FDPS: variants seen among roughly 807,000 people sequenced by gnomAD.
FDPS encodes farnesyl pyrophosphate synthase.
A neutral mutation model predicts 49.5 loss-of-function variants in FDPS; 29 were observed. The ratio of observed to expected loss-of-function variants is 0.59; its 90% CI spans 0.44 to 0.80. The LOEUF (loss-of-function observed/expected upper bound fraction) is 0.80, where lower values mean the gene tolerates loss of function less well. Among genes scored for constraint, FDPS ranks in the 30% least tolerant of loss-of-function variants. The probability of loss-of-function intolerance (pLI) is 0.00; values close to 1 mark genes in which losing one functional copy is unlikely to be tolerated. For synonymous variants in FDPS, 172 were observed against 206.4 expected, an observed-to-expected ratio of 0.83 and a Z score of 1.43; for missense variants, 414 against 525.6, an observed-to-expected ratio of 0.79 and a Z score of 2.08.
At chr1:155,312,562 T>A in intron 4 of FDPS, 167 bp downstream of exon 4, 1 of 684,188 alleles carries the variant, frequency 1.5e-6, no homozygotes. Context: ...TTAACTAATG[T>A]GGGGAGCCTC....
intron 3 of FDPS, among the ~76,000 whole-genome samples, chr1:155,311,157 G>C (rs1648761098): frequency 6.6e-6 from 1 of 152,074 alleles, no homozygotes; most frequent in African/African-American, 2.4e-5. Context: ...GGTCAACATG[G>C]TGAAACCCCC....
chr1:155,312,532 A>G, intron 4 of FDPS, 137 bp downstream of exon 4: 2 of 880,362 alleles, frequency 2.3e-6, no homozygotes, highest in Non-Finnish European at 3.5e-6. Context: ...GGCCAAATTT[A>G]GAGTGAATCA....
intron 4 of FDPS, among the ~76,000 whole-genome samples, chr1:155,313,255 G>C (rs1045108406): frequency 9.2e-5 from 14 of 152,198 alleles, no homozygotes; most frequent in African/African-American, 3.1e-4. Context: ...GCTTTCTCTA[G>C]TTTGCTCCAA....
In FDPS at chr1:155,320,511, T is replaced by A; in HGVS notation, c.1162T>A (p.Tyr388Asn). Reference protein sequence around the residue: ...AVFLQYEEDSYSHIMALIEQY... With the variant: ...AVFLQYEEDSNSHIMALIEQY... ...GTTCTTGCAATATGAGGAAGACAGTTACAGCCACATTATGGCTCTCATTGA... is the reference window on the plus strand; with the variant it reads ...GTTCTTGCAATATGAGGAAGACAGTAACAGCCACATTATGGCTCTCATTGA... The change falls in exon 11 of 11, where the codon TAC (tyrosine) becomes AAC (asparagine). Residue 388 changes from tyrosine (Y) to asparagine (N), a missense_variant. Tyr to Asn is a moderately radical substitution (Grantham distance 143). Transcript: ENST00000368356. 6.2e-7 allele frequency: 1 copy of A among 1,614,096 alleles called. No homozygotes were observed. Among genetic ancestry groups the A allele is most frequent in the Non-Finnish European group, 8.5e-7 (1 of 1,180,026 alleles).
intron 4 of FDPS, among the ~76,000 whole-genome samples, chr1:155,314,597 C>G (rs1649123549): frequency 1.3e-5 from 2 of 152,124 alleles, no homozygotes; most frequent in Middle Eastern, 6.8e-3. Context: ...ACCTCAGCCT[C>G]CCAAGTAGCT....
chr1:155,319,234 ACAGT>A (rs1381614549), intron 8 of FDPS, among the ~76,000 whole-genome samples: 1 of 152,204 alleles, frequency 6.6e-6, no homozygotes, highest in African/African-American at 2.4e-5. Flanking sequence ...TGGATTAAAG[ACAGT>A]CAGTGGGATT....
At position 155,318,460 on chromosome 1, in the gene FDPS, G is replaced by T; in HGVS notation, c.684+169G>T. 1 of 893,644 alleles carries T rather than the reference G, an allele frequency of 1.1e-6. No homozygotes were observed. Among genetic ancestry groups the T allele is most frequent in the Non-Finnish European group, 1.8e-6 (1 of 570,468 alleles). The allele number at this position is 893,644 out of a possible 1,614,324, so 55.4% of individuals were successfully genotyped here. On this transcript the variant is annotated intron_variant, in intron 6 of 10. Coordinates refer to ENST00000368356, the MANE Select transcript of FDPS (RefSeq NM_002004.4). The surrounding 1 kb of genome is among the most constrained non-coding windows in gnomAD (Gnocchi z 4.2). ...GGGGTTGTGGTAGTGGCAAGAAAGG[G>T]CTTCTCTGTCCTGTGTAATTGGAAG... is the stretch of plus-strand genomic sequence containing the variant.
chr1:155,318,141 T>C lies in FDPS; in HGVS notation c.562-28T>C, dbSNP rs751554976. ...AGTATGAACCGAGACTAGAGATTGATTGCTTGTTTTTCTGTCTGTCATGAC... is the reference window on the plus strand; with the variant it reads ...AGTATGAACCGAGACTAGAGATTGACTGCTTGTTTTTCTGTCTGTCATGAC... On this transcript the variant is annotated intron_variant, in intron 5 of 10. Coordinates refer to ENST00000368356, the MANE Select transcript of FDPS (RefSeq NM_002004.4). The surrounding 1 kb of genome is among the most constrained non-coding windows in gnomAD (Gnocchi z 4.2). 6.2e-7 allele frequency: 1 copy of C among 1,614,002 alleles called. No homozygotes were observed. Among genetic ancestry groups the C allele is most frequent in the East Asian group, 2.2e-5 (1 of 44,868 alleles).
intron 2 of FDPS, 33 bp from the exon 3 acceptor site, chr1:155,310,010 A>G: frequency 6.2e-7 from 1 of 1,612,040 alleles, no homozygotes; most frequent in Non-Finnish European, 8.5e-7. Context: ...GGAGCAGCTG[A>G]TCAGGTTTCT....
At chr1:155,310,322 T>G in intron 3 of FDPS, 117 bp downstream of exon 3, 1 of 928,854 alleles carries the variant, frequency 1.1e-6, no homozygotes, top group Non-Finnish European at 1.6e-6. Flanking sequence ...GCTTTTTTTT[T>G]TTTTTTGAGA....
In FDPS at chr1:155,320,560, C is replaced by T. The variant is rs757631197; in HGVS notation, c.1211C>T (p.Pro404Leu). ...LIEQYAAPLPPAVFLGLARKI... is the reference protein window; with the variant it reads ...LIEQYAAPLPLAVFLGLARKI... ...GAACAGTACGCAGCACCCCTGCCCC[C>T]AGCCGTCTTTCTGGGGCTTGCGCGC... is the stretch of plus-strand genomic sequence containing the variant. The change falls in exon 11 of 11, where the codon CCA (proline) becomes CTA (leucine). Residue 404 changes from proline to leucine, a missense_variant. Transcript: ENST00000368356. 30 of 1,614,086 alleles carry T rather than the reference C, an allele frequency of 1.9e-5. No individual in the cohort carries two copies. Among genetic ancestry groups the T allele is most frequent in the Admixed American group, 3.3e-5 (2 of 60,004 alleles).
intron 1 of FDPS, 186 bp from the exon 2 acceptor site, chr1:155,309,598 TCACCC>T: frequency 1.9e-6 from 1 of 518,938 alleles, no homozygotes; most frequent in Non-Finnish European, 3.4e-6. Flanking sequence ...TGGGTCTCAG[TCACCC>T]AGCCATACTT....
At position 155,320,456 on chromosome 1, in the gene FDPS, G is replaced by A. The variant is rs186015551; in HGVS notation, c.1107G>A (p.Ala369=). The A allele has an allele frequency of 5.1e-5, 83 of 1,613,752 alleles. 1 individual carries two copies. In the East Asian group the frequency reaches 1.7e-3, roughly 33 times the overall value. Residue 369 remains alanine, a synonymous_variant, in exon 11 of 11, where the codon GCG becomes GCA. Transcript: ENST00000368356. ...KEAEKVARVK[A]LYEELDLPAV... is the part of the protein sequence containing the mutation. ...CTGAGAAAGTGGCCCGGGTGAAGGC[G>A]CTATATGAGGAGCTGGATCTGCCAG...
intron 1 of FDPS, chr1:155,309,236 C>G (rs1209417448): frequency 6.6e-6 from 1 of 152,324 alleles, no homozygotes; most frequent in Non-Finnish European, 1.5e-5. Context: ...TCTGCTCAGT[C>G]CTAGCGATTC....
In FDPS at chr1:155,309,981, G is replaced by A. The variant is rs906481011; in HGVS notation, c.176+16G>A. The A allele has an allele frequency of 1.7e-5, 28 of 1,610,280 alleles. No homozygotes were observed. Among genetic ancestry groups the A allele is most frequent in the Non-Finnish European group, 2.4e-5 (28 of 1,177,762 alleles). On this transcript the variant is annotated intron_variant, in intron 2 of 10. Transcript: ENST00000368356. ...AGGAACCTCGGTGAGTGTGGTTGGG[G>A]TGAGGGGCCTTGGGGAGGGGAGCAG...
rs776248722 is a variant in FDPS at position 155,318,227 on chromosome 1, G to A, written c.620G>A (p.Arg207His). The A allele has an allele frequency of 1.9e-6, 3 of 1,613,924 alleles. No homozygotes were observed. Among genetic ancestry groups the A allele is most frequent in the Admixed American group, 1.7e-5 (1 of 60,014 alleles). ...DANLLEACIYRLLKLYCREQP... is the reference protein window; with the variant it reads ...DANLLEACIYHLLKLYCREQP... Reference sequence around the variant, plus strand: ...AACCTCCTGGAAGCATGTATCTACCGCCTGCTGAAGCTCTATTGCCGGGAG... The same window carrying A: ...AACCTCCTGGAAGCATGTATCTACCACCTGCTGAAGCTCTATTGCCGGGAG... The change falls in exon 6 of 11, where the codon CGC becomes CAC. Residue 207 changes from arginine to histidine, a missense_variant. Transcript: ENST00000368356. This position sits in a 1 kb window ranked among gnomAD's most constrained non-coding sequence, Gnocchi z 4.2.
At chr1:155,312,537 G>C in intron 4 of FDPS, 142 bp downstream of exon 4, 1 of 846,256 alleles carries the variant, frequency 1.2e-6, no homozygotes. Flanking sequence ...AATTTAGAGT[G>C]AATCACTCCA....
chr1:155,319,953 C>T (rs1252145566), intron 10 of FDPS, 25 bp downstream of exon 10: 1 of 1,611,920 alleles, frequency 6.2e-7, no homozygotes. Context: ...GTGGTGGGTC[C>T]CTGAGTTGGT....
At chr1:155,311,208 G>A (rs1051040646) in intron 3 of FDPS, among the ~76,000 whole-genome samples, 8 of 152,056 alleles carry the variant, frequency 5.3e-5, no homozygotes, top group African/African-American at 1.7e-4. Flanking sequence ...GCGTGGTGGC[G>A]CCCACATGTA....
Sources: gnomAD v4.1 joint callset for allele counts (sites outside exome capture counted in the v4.1 genomes callset) on GRCh38, gnomAD v4.1.1 for gene constraint, Gnocchi (gnomAD v3.1) non-coding constraint, MANE v1.5 for transcripts, NCBI Gene and HGNC (gene_info 2026-07-23, HGNC 2026-07-21) for gene names.